RTL4: variants seen among roughly 807,000 people sequenced by gnomAD.
The protein encoded by RTL4 is retrotransposon Gag like 4, also known as retrotransposon Gag-like protein 4.
Under a neutral mutation model 5.3 loss-of-function variants are expected in RTL4, and 4 were observed. The observed-to-expected ratio is 0.75, with a 90% confidence interval of 0.37 to 1.72. The LOEUF (loss-of-function observed/expected upper bound fraction) is 1.72, where lower values mean the gene tolerates loss of function less well. RTL4 is among the 40% of genes most tolerant of loss of function. RTL4 has a pLI of 0.04. For synonymous variants in RTL4, 98 were observed against 87.3 expected, an observed-to-expected ratio of 1.12 and a Z score of -0.68; for missense variants, 260 against 227.1, an observed-to-expected ratio of 1.14 and a Z score of -0.93.
the RTL4 span, among the ~76,000 whole-genome samples, chrX:112,334,305 G>A: frequency 9.0e-6 from 1 of 111,354 alleles, no homozygotes; most frequent in Non-Finnish European, 1.9e-5. Flanking sequence ...CTTTCTTTGG[G>A]GTATATACCC....
the RTL4 span, among the ~76,000 whole-genome samples, chrX:112,341,390 A>C: frequency 2.7e-5 from 3 of 112,003 alleles, no homozygotes; most frequent in African/African-American, 9.7e-5. Flanking sequence ...AGTTGAGGAG[A>C]TGTCAATGAG....
the RTL4 span, among the ~76,000 whole-genome samples, chrX:112,236,052 A>G: frequency 9.0e-6 from 1 of 110,946 alleles, no homozygotes; most frequent in Non-Finnish European, 1.9e-5. Context: ...AGTTGAAGAG[A>G]GGAGGGAAAG....
the RTL4 span, among the ~76,000 whole-genome samples, chrX:112,182,599 T>C: frequency 9.0e-6 from 1 of 111,417 alleles, no homozygotes; most frequent in South Asian, 3.8e-4. Flanking sequence ...AAATAAAGTG[T>C]GAAGACAAGA....
the RTL4 span, among the ~76,000 whole-genome samples, chrX:112,339,829 T>A: frequency 8.9e-6 from 1 of 112,785 alleles, no homozygotes; most frequent in East Asian, 2.8e-4. Flanking sequence ...TCCCTGGTAG[T>A]GAACATTTTA....
At chrX:112,348,850 A>G in the RTL4 span, among the ~76,000 whole-genome samples, 1 of 110,483 alleles carries the variant, frequency 9.1e-6, no homozygotes, top group Non-Finnish European at 1.9e-5. Flanking sequence ...TCATACAACA[A>G]GGAGAGATAA....
At chrX:112,231,766 C>G in the RTL4 span, among the ~76,000 whole-genome samples, 1 of 111,130 alleles carries the variant, frequency 9.0e-6, no homozygotes, top group Non-Finnish European at 1.9e-5. Context: ...GTTACCAATT[C>G]ATAAGCAAGC....
the RTL4 span, among the ~76,000 whole-genome samples, chrX:112,343,573 G>A: frequency 2.7e-5 from 3 of 112,035 alleles, no homozygotes; most frequent in African/African-American, 9.7e-5. Context: ...TTTCTTTATT[G>A]TAGGACTTTT....
At chrX:112,138,583 GT>G in the RTL4 span, among the ~76,000 whole-genome samples, 1 of 109,418 alleles carries the variant, frequency 9.1e-6, no homozygotes, top group African/African-American at 3.3e-5. Flanking sequence ...TCAGTAAAGT[GT>G]TTTTTTTAAG....
chrX:112,438,760 A>G, the RTL4 span, among the ~76,000 whole-genome samples: 447 of 112,162 alleles, frequency 4.0e-3, 1 homozygote, highest in African/African-American at 0.014. Context: ...ATTTTAAGTC[A>G]CGATTAGTTG....
chrX:112,372,157 A>T, the RTL4 span, among the ~76,000 whole-genome samples: 1 of 109,594 alleles, frequency 9.1e-6, no homozygotes, highest in African/African-American at 3.3e-5. Context: ...ACTGGTAACC[A>T]CTCTCCTGAC....
chrX:112,227,912 ACT>A, the RTL4 span, among the ~76,000 whole-genome samples: 1 of 110,443 alleles, frequency 9.1e-6, no homozygotes, highest in African/African-American at 3.3e-5. Context: ...CAGGAGACAA[ACT>A]CTCTAGATTT....
chrX:112,201,926 A>C, the RTL4 span, among the ~76,000 whole-genome samples: 1 of 110,238 alleles, frequency 9.1e-6, no homozygotes, highest in Non-Finnish European at 1.9e-5. Flanking sequence ...CCACTTATTA[A>C]ATTTAGATTT....
the RTL4 span, among the ~76,000 whole-genome samples, chrX:112,441,980 A>C: frequency 3.6e-5 from 4 of 112,050 alleles, no homozygotes; most frequent in African/African-American, 1.3e-4. Context: ...AACATGGATA[A>C]ACCTTAAAAA....
At chrX:112,268,593 T>C in the RTL4 span, among the ~76,000 whole-genome samples, 1 of 111,147 alleles carries the variant, frequency 9.0e-6, no homozygotes, top group Admixed American at 9.6e-5. Flanking sequence ...TATAATCCAG[T>C]TGGTGCTCTG....
chrX:112,346,133 CT>C, the RTL4 span, among the ~76,000 whole-genome samples: 1 of 111,273 alleles, frequency 9.0e-6, no homozygotes, highest in African/African-American at 3.3e-5. Context: ...ATGGGGGTAA[CT>C]TTTTTCTCTG....
At chrX:112,309,557 C>T in the RTL4 span, among the ~76,000 whole-genome samples, 1 of 108,646 alleles carries the variant, frequency 9.2e-6, no homozygotes, top group African/African-American at 3.4e-5. Context: ...GGCACGATCT[C>T]GGGTCTGTGC....
At chrX:112,369,871 A>T in the RTL4 span, among the ~76,000 whole-genome samples, 3 of 111,999 alleles carry the variant, frequency 2.7e-5, no homozygotes, top group Non-Finnish European at 5.7e-5. Context: ...TTTTGAATGC[A>T]GAGCCAGCAG....
At chrX:112,326,486 C>T in the RTL4 span, among the ~76,000 whole-genome samples, 3 of 112,003 alleles carry the variant, frequency 2.7e-5, no homozygotes, top group Non-Finnish European at 3.8e-5. Flanking sequence ...ATATCCCGCA[C>T]GTGGCTCGGA....
At chrX:112,452,257 A>AT (rs760522980), upstream of RTL4, among the ~76,000 whole-genome samples, 2,004 of 65,428 alleles carry the variant, frequency 0.031, 42 homozygotes, top group African/African-American at 0.036. Context: ...CGCGCAGCTA[A>AT]TTTTTTTTTT....
Sources: allele counts gnomAD v4.1 joint callset (sites outside exome capture counted in the v4.1 genomes callset), GRCh38; gene constraint gnomAD v4.1.1; transcripts MANE v1.5; gene names NCBI Gene and HGNC (gene_info 2026-07-23, HGNC 2026-07-21).